Variants in FOXP2 observed in about 807,000 individuals in gnomAD.
FOXP2 encodes forkhead box protein P2.
A neutral mutation model predicts 115.8 loss-of-function variants in FOXP2; 12 were observed. The ratio of observed to expected loss-of-function variants is 0.10; its 90% CI spans 0.07 to 0.17. FOXP2 has a LOEUF of 0.17. Ranked by LOEUF, FOXP2 falls within the 10% of genes least tolerant of loss-of-function variation. The pLI is 1.00. For missense variants in FOXP2, 629 were observed against 843.5 expected, an observed-to-expected ratio of 0.75 and a Z score of 3.15; for synonymous variants, 328 against 297.7, an observed-to-expected ratio of 1.10 and a Z score of -1.05.
chr7:114,122,037 T>C (rs1223961005), intron 1 of FOXP2, among the ~76,000 whole-genome samples: 1 of 152,154 alleles, frequency 6.6e-6, no homozygotes, highest in Non-Finnish European at 1.5e-5. Context: ...GATAGCATTA[T>C]AATTACACAC....
At chr7:114,637,416 G>A (rs1385707738) in intron 6 of FOXP2, among the ~76,000 whole-genome samples, 1 of 152,046 alleles carries the variant, frequency 6.6e-6, no homozygotes, top group Admixed American at 6.6e-5. Context: ...TGAAATAAGA[G>A]AAACCGAATA....
At chr7:114,246,872 T>C (rs1795297836) in intron 1 of FOXP2, among the ~76,000 whole-genome samples, 1 of 152,152 alleles carries the variant, frequency 6.6e-6, no homozygotes, top group South Asian at 2.1e-4. Flanking sequence ...GACTGTTAAC[T>C]ACACTTTCAT....
intron 1 of FOXP2, among the ~76,000 whole-genome samples, chr7:114,096,943 T>A (rs73716353): frequency 0.06 from 9,158 of 152,244 alleles, 549 homozygotes; most frequent in African/African-American, 0.16. Context: ...GTGGAAATGC[T>A]AATTATAAAA....
At chr7:114,168,171 A>G (rs1429762857) in intron 1 of FOXP2, among the ~76,000 whole-genome samples, 7 of 152,146 alleles carry the variant, frequency 4.6e-5, no homozygotes, top group Admixed American at 4.6e-4. Context: ...GTATCAGTAA[A>G]TGGGGCTCTG....
At chr7:114,105,726 C>T (rs1791093280) in intron 1 of FOXP2, among the ~76,000 whole-genome samples, 1 of 151,962 alleles carries the variant, frequency 6.6e-6, no homozygotes, top group Non-Finnish European at 1.5e-5. Context: ...TGGCCCAGAC[C>T]TTTGAGCATG....
chr7:114,548,223 G>A (rs901846856), intron 3 of FOXP2, among the ~76,000 whole-genome samples: 3 of 152,218 alleles, frequency 2.0e-5, no homozygotes, highest in African/African-American at 7.2e-5. Context: ...AGCTGCAGCT[G>A]TCCCCTTTAA....
intron 2 of FOXP2, among the ~76,000 whole-genome samples, chr7:114,504,734 A>G (rs1797732826): frequency 6.6e-6 from 1 of 151,688 alleles, no homozygotes; most frequent in South Asian, 2.1e-4. Context: ...TGTTTTCTGT[A>G]TAAAATATGT....
At chr7:114,242,269 T>C (rs1322745886) in intron 1 of FOXP2, among the ~76,000 whole-genome samples, 2 of 152,024 alleles carry the variant, frequency 1.3e-5, no homozygotes, top group Admixed American at 6.5e-5. Flanking sequence ...AGACACATGA[T>C]GATTTTGTAG....
intron 2 of FOXP2, among the ~76,000 whole-genome samples, chr7:114,505,739 G>GT (rs1356023098): frequency 6.6e-6 from 1 of 151,462 alleles, no homozygotes; most frequent in Non-Finnish European, 1.5e-5. Flanking sequence ...GATCTATAGG[G>GT]TTTTTGTGTG....
chr7:114,274,264 C>T (rs1194315724), intron 1 of FOXP2, among the ~76,000 whole-genome samples: 1 of 152,028 alleles, frequency 6.6e-6, no homozygotes, highest in African/African-American at 2.4e-5. Context: ...TATATATAAG[C>T]ATGCATAAGC....
At chr7:114,110,405 C>T (rs1791238365) in intron 1 of FOXP2, among the ~76,000 whole-genome samples, 1 of 152,172 alleles carries the variant, frequency 6.6e-6, no homozygotes. Context: ...CCCTATTCAA[C>T]TCATCTTTAA....
Position 114,690,291 on chromosome 7 carries a change from C to T in FOXP2, c.*365C>T, listed in dbSNP as rs546773567. ...ATACATGTCCTGTAGAAAGCAAATGCGCCTCATATACTGCCAAAAATAGTG... is the reference window on the plus strand; with the variant it reads ...ATACATGTCCTGTAGAAAGCAAATGTGCCTCATATACTGCCAAAAATAGTG... On this transcript the variant is annotated 3_prime_UTR_variant, in exon 17 of 17. Coordinates refer to ENST00000350908, the MANE Select transcript of FOXP2 (RefSeq NM_014491.4). 3 of 457,724 alleles carry T rather than the reference C, an allele frequency of 6.6e-6. No homozygotes were observed. Among genetic ancestry groups the T allele is most frequent in the South Asian group, 1.6e-5 (1 of 64,482 alleles). The allele number at this position is 457,724 out of a possible 1,614,324, so 28.4% of individuals were successfully genotyped here.
intron 1 of FOXP2, among the ~76,000 whole-genome samples, chr7:114,209,301 T>A (rs1413010487): frequency 6.6e-6 from 1 of 152,218 alleles, no homozygotes; most frequent in Non-Finnish European, 1.5e-5. Context: ...TGCTGAACTG[T>A]GAGTCAATTA....
chr7:114,573,473 C>A (rs1801421764), intron 3 of FOXP2, among the ~76,000 whole-genome samples: 1 of 151,544 alleles, frequency 6.6e-6, no homozygotes, highest in South Asian at 2.1e-4. Flanking sequence ...AGAAAGAGGT[C>A]AAAAAGATAG....
intron 1 of FOXP2, among the ~76,000 whole-genome samples, chr7:114,100,537 GT>G (rs1183586244): frequency 6.6e-6 from 1 of 151,924 alleles, no homozygotes; most frequent in Non-Finnish European, 1.5e-5. Flanking sequence ...TTAAATTTTT[GT>G]TTTTTAAGTT....
Position 114,122,391 on chromosome 7 carries a change from CCT to C in FOXP2, c.-247+34554_-247+34555del, listed in dbSNP as rs1425919191. On this transcript the variant is annotated intron_variant, in intron 1 of 19. Transcript: ENST00000635638. Reference sequence around the variant, plus strand: ...TGGATTTACAATCTTTGTATCGCTCCCTGTTTTCTTTTTTTTTTTTTCCTTTT... The same window carrying C: ...TGGATTTACAATCTTTGTATCGCTCCGTTTTCTTTTTTTTTTTTTCCTTTT... 4.0e-5 allele frequency among the ~76,000 whole-genome samples: 6 copies of C among 150,858 alleles called. 1 individual carries two copies. Among genetic ancestry groups the C allele is most frequent in the African/African-American group, 1.5e-4 (6 of 41,220 alleles).
At chr7:114,169,511 T>G (rs941524816) in intron 1 of FOXP2, among the ~76,000 whole-genome samples, 2 of 152,234 alleles carry the variant, frequency 1.3e-5, no homozygotes, top group African/African-American at 4.8e-5. Flanking sequence ...GCCTGTATCT[T>G]CATTGTATCT....
intron 2 of FOXP2, among the ~76,000 whole-genome samples, chr7:114,317,538 C>T (rs1423127202): frequency 1.3e-5 from 2 of 150,784 alleles, no homozygotes; most frequent in Non-Finnish European, 3.0e-5. Context: ...ACATCTGCCA[C>T]CTTAATGCAA....
At chr7:114,436,320 T>C (rs1320946809) in intron 2 of FOXP2, among the ~76,000 whole-genome samples, 1 of 151,670 alleles carries the variant, frequency 6.6e-6, no homozygotes, top group African/African-American at 2.4e-5. Flanking sequence ...CAATTTCATA[T>C]TTATGTATGT....
Sources: allele counts gnomAD v4.1 joint callset (sites outside exome capture counted in the v4.1 genomes callset), GRCh38; gene constraint gnomAD v4.1.1; transcripts MANE v1.5; gene names NCBI Gene and HGNC (gene_info 2026-07-23, HGNC 2026-07-21).